MAFK: variants seen among roughly 807,000 people sequenced by gnomAD.
MAFK encodes the protein MAF bZIP transcription factor K, also known as transcription factor MafK.
Under a neutral mutation model 9.2 loss-of-function variants are expected in MAFK, and 1 was observed. That is an observed-to-expected ratio of 0.11 (90% confidence interval 0.04 to 0.52). MAFK has a LOEUF of 0.52. MAFK is among the 20% of genes least tolerant of loss of function. MAFK has a pLI of 0.94. For missense variants in MAFK, 207 were observed against 236.0 expected, an observed-to-expected ratio of 0.88 and a Z score of 0.81; for synonymous variants, 110 against 107.4, an observed-to-expected ratio of 1.02 and a Z score of -0.15.
At chr7:1,537,556 G>A (rs1364627533) in intron 1 of MAFK, 25 of 985,446 alleles carry the variant, frequency 2.5e-5, no homozygotes, top group Non-Finnish European at 3.0e-5. Flanking sequence ...ACCCCAGGAC[G>A]TGGTGCGAAG....
rs1784234141 is a variant in MAFK at position 1,542,949 on chromosome 7, CCCCGT to C, written c.*2578_*2582del. 1 of 152,716 alleles carries C rather than the reference CCCCGT, an allele frequency of 6.5e-6. No homozygotes were observed. Among genetic ancestry groups the C allele is most frequent in the African/African-American group, 2.4e-5 (1 of 41,466 alleles). 9.5% of individuals were successfully genotyped at this position (152,716 alleles called of 1,614,324 possible). On this transcript the variant is annotated 3_prime_UTR_variant, in exon 3 of 3. Transcript: ENST00000343242. ...CCCGTGTCTGGCCGCCGCCGCCCTG[CCCCGT>C]CCCTGCGGCCACCACCTAATTTATT...
chr7:1,536,214 C>T (rs1189624283), intron 1 of MAFK, among the ~76,000 whole-genome samples: 1 of 152,242 alleles, frequency 6.6e-6, no homozygotes, highest in Non-Finnish European at 1.5e-5. Context: ...CCCACCCAGG[C>T]CCCCGCTGTG....
intron 1 of MAFK, chr7:1,538,486 C>A: frequency 1.1e-5 from 1 of 89,032 alleles, no homozygotes; most frequent in Non-Finnish European, 2.3e-5. Context: ...GTGGGGAGGG[C>A]GGGGCGGGAG....
chr7:1,543,033 C>A lies in MAFK; in HGVS notation c.*2658C>A, dbSNP rs3177192. The A allele has an allele frequency of 6.6e-6, 1 of 152,546 alleles. No homozygotes were observed. Among genetic ancestry groups the A allele is most frequent in the Non-Finnish European group, 1.5e-5 (1 of 68,066 alleles). 9.4% of individuals were successfully genotyped at this position (152,546 alleles called of 1,614,324 possible). On this transcript the variant is annotated 3_prime_UTR_variant, in exon 3 of 3. Transcript: ENST00000343242. Reference sequence around the variant, plus strand: ...TTGTACCTTTGCAATAAAGAATTTTCTGGTTTCAGACCCTTTCGTTGCGTA... The same window carrying A: ...TTGTACCTTTGCAATAAAGAATTTTATGGTTTCAGACCCTTTCGTTGCGTA...
intron 1 of MAFK, chr7:1,538,174 C>T (rs1334372975): frequency 3.9e-5 from 28 of 713,788 alleles, no homozygotes; most frequent in South Asian, 1.9e-4. Flanking sequence ...TGGCAACTAT[C>T]GGAGGGCTCA....
intron 1 of MAFK, among the ~76,000 whole-genome samples, chr7:1,536,356 CG>C (rs914206421): frequency 6.6e-6 from 1 of 152,176 alleles, no homozygotes; most frequent in Non-Finnish European, 1.5e-5. Flanking sequence ...CGTCGTTCCT[CG>C]GGGGCTGCTG....
In MAFK at chr7:1,534,148, C is replaced by T. The variant is rs112808977; in HGVS notation, c.-45+3250C>T. 803 of 437,986 alleles carry T rather than the reference C, an allele frequency of 1.8e-3. 4 individuals carry two copies. Among genetic ancestry groups the T allele is most frequent in the African/African-American group, 0.013 (668 of 49,814 alleles). 27.1% of individuals were successfully genotyped at this position (437,986 alleles called of 1,614,324 possible). A position where few individuals can be genotyped will look rare whatever the true frequency, so the allele number is the denominator to read the frequency against. On this transcript the variant is annotated intron_variant, in intron 1 of 2. Transcript: ENST00000343242. This position sits in a 1 kb window ranked among gnomAD's most constrained non-coding sequence, Gnocchi z 4.3. Reference sequence around the variant, plus strand: ...CTGCTGGCTGGTATGGGCCGGGCTGCGGGGTGCCAAGTGGGGTGCCTCCCG... The same window carrying T: ...CTGCTGGCTGGTATGGGCCGGGCTGTGGGGTGCCAAGTGGGGTGCCTCCCG...
chr7:1,537,376 A>G (rs901667236), intron 1 of MAFK: 18 of 985,294 alleles, frequency 1.8e-5, no homozygotes, highest in African/African-American at 3.5e-5. Flanking sequence ...CCGCATAGCT[A>G]TGTCGTGGCC....
Position 1,540,306 on chromosome 7 carries a change from C to T in MAFK, c.402C>T (p.Thr134=). 6.2e-7 allele frequency: 1 copy of T among 1,611,630 alleles called. No individual in the cohort carries two copies. The highest frequency in any genetic ancestry group is 8.5e-7 in the Non-Finnish European group (1 of 1,179,114). The change falls in exon 3 of 3, where the codon ACC becomes ACT. Residue 134 remains threonine, a synonymous_variant. Transcript: ENST00000343242. The part of the protein sequence containing the change: ...GPVAPSKVAT[T]SVITIVKSTE... ...TGGCGCCCTCCAAGGTGGCCACCACCAGCGTCATCACCATCGTCAAGTCCA... is the reference window on the plus strand; with the variant it reads ...TGGCGCCCTCCAAGGTGGCCACCACTAGCGTCATCACCATCGTCAAGTCCA...
Position 1,540,519 on chromosome 7 carries a change from A to C in MAFK, c.*144A>C. 1 of 836,348 alleles carries C rather than the reference A, an allele frequency of 1.2e-6. No individual in the cohort carries two copies. The highest frequency in any genetic ancestry group is 1.8e-6 in the Non-Finnish European group (1 of 554,164). 51.8% of individuals were successfully genotyped at this position (836,348 alleles called of 1,614,324 possible). On this transcript the variant is annotated 3_prime_UTR_variant, in exon 3 of 3. Coordinates refer to ENST00000343242, the MANE Select transcript of MAFK (RefSeq NM_002360.4). ...TCGGGCGCAGGCAGCTCACACCAGGAAGAGACTGTATTGCAGGGTGAAGAG... is the reference window on the plus strand; with the variant it reads ...TCGGGCGCAGGCAGCTCACACCAGGCAGAGACTGTATTGCAGGGTGAAGAG...
At chr7:1,531,172 G>T (rs1332955289) in intron 1 of MAFK, among the ~76,000 whole-genome samples, 1 of 149,516 alleles carries the variant, frequency 6.7e-6, no homozygotes, top group Non-Finnish European at 1.5e-5. Context: ...CCGCGCCGGG[G>T]GCCCCAGGGC....
chr7:1,536,156 C>G (rs2128551385), intron 1 of MAFK, among the ~76,000 whole-genome samples: 1 of 152,302 alleles, frequency 6.6e-6, no homozygotes, highest in Admixed American at 6.5e-5. Flanking sequence ...AGCGCTGCAC[C>G]CTTACTTACG....
chr7:1,533,526 G>A (rs73285458), intron 1 of MAFK, among the ~76,000 whole-genome samples: 2,236 of 152,308 alleles, frequency 0.015, 50 homozygotes, highest in African/African-American at 0.047. Context: ...ACCTGAAACG[G>A]CATTGGGGTG....
chr7:1,533,369 G>T (rs1352967360), intron 1 of MAFK, among the ~76,000 whole-genome samples: 1 of 152,228 alleles, frequency 6.6e-6, no homozygotes, highest in Non-Finnish European at 1.5e-5. Flanking sequence ...AGCTCACCAT[G>T]CCTTGGGGAG....
Position 1,534,779 on chromosome 7 carries a change from T to G in MAFK, c.-45+3881T>G. The G allele has an allele frequency of 2.6e-6, 1 of 380,292 alleles. No individual in the cohort carries two copies. The highest frequency in any genetic ancestry group is 5.4e-6 in the Non-Finnish European group (1 of 185,416). 23.6% of individuals were successfully genotyped at this position (380,292 alleles called of 1,614,324 possible). On this transcript the variant is annotated intron_variant, in intron 1 of 2. Coordinates refer to ENST00000343242, the MANE Select transcript of MAFK (RefSeq NM_002360.4). This position sits in a 1 kb window ranked among gnomAD's most constrained non-coding sequence, Gnocchi z 4.3. The stretch of plus-strand genomic sequence containing the variant: ...TAGAGCGAGCGGCAGCCCCGATGCG[T>G]CCTCTCATCTGGGAAGAATCAGAGC...
chr7:1,537,737 G>C (rs1453048993), intron 1 of MAFK: 12 of 983,064 alleles, frequency 1.2e-5, no homozygotes, highest in African/African-American at 1.7e-5. Flanking sequence ...GTGGGTTGCG[G>C]GGGTGGGGCC....
chr7:1,536,843 C>T (rs1451058621), intron 1 of MAFK, among the ~76,000 whole-genome samples: 2 of 152,238 alleles, frequency 1.3e-5, no homozygotes, highest in East Asian at 1.9e-4. Flanking sequence ...TCTCTCCAGG[C>T]GCGTGGCTGG....
At chr7:1,537,199 G>A (rs1027508237) in intron 1 of MAFK, among the ~76,000 whole-genome samples, 1 of 152,246 alleles carries the variant, frequency 6.6e-6, no homozygotes, top group African/African-American at 2.4e-5. Flanking sequence ...AGCCCCACAC[G>A]TCACCGTGGG....
chr7:1,539,487 C>T (rs955784672), intron 2 of MAFK, among the ~76,000 whole-genome samples: 1 of 151,894 alleles, frequency 6.6e-6, no homozygotes, highest in Admixed American at 6.6e-5. Flanking sequence ...GTGTGTCCGC[C>T]GGGCGCTACT....
Sources: gnomAD v4.1 joint callset for allele counts (sites outside exome capture counted in the v4.1 genomes callset) on GRCh38, gnomAD v4.1.1 for gene constraint, Gnocchi (gnomAD v3.1) non-coding constraint, MANE v1.5 for transcripts, NCBI Gene and HGNC (gene_info 2026-07-23, HGNC 2026-07-21) for gene names.